The following IL1RAP variants were observed in gnomAD, a reference collection of about 807,000 sequenced individuals.
IL1RAP encodes interleukin 1 receptor accessory protein.
Under a neutral mutation model 60.7 loss-of-function variants are expected in IL1RAP, and 35 were observed. That is an observed-to-expected ratio of 0.58 (90% CI 0.44 to 0.76). The LOEUF (loss-of-function observed/expected upper bound fraction) is 0.76. IL1RAP is among the 30% of genes least tolerant of loss of function. The pLI, the probability that IL1RAP is intolerant of heterozygous loss-of-function variation, is 0.00. For missense variants in IL1RAP, 572 were observed against 693.9 expected (o/e 0.82, Z 1.97); for synonymous variants, 268 against 250.9 (o/e 1.07, Z -0.64).
intron 1 of IL1RAP, among the ~76,000 whole-genome samples, chr3:190,534,357 A>T (rs1196208795): frequency 1.3e-5 from 2 of 151,870 alleles, no homozygotes; most frequent in South Asian, 4.1e-4. Flanking sequence ...AGGAAGTTTC[A>T]TTCCTTGTAG....
intron 1 of IL1RAP, among the ~76,000 whole-genome samples, chr3:190,543,638 G>GA (rs1407761784): frequency 6.6e-6 from 1 of 152,174 alleles, no homozygotes; most frequent in Non-Finnish European, 1.5e-5. Flanking sequence ...TACACTTGGA[G>GA]AGGGTAATGA....
intron 6 of IL1RAP, 104 bp from the exon 7 acceptor site, chr3:190,623,240 G>T: frequency 1.2e-6 from 1 of 838,334 alleles, no homozygotes; most frequent in South Asian, 1.4e-5. Flanking sequence ...TAAAACAACT[G>T]ACAAACTATG....
downstream of IL1RAP, chr3:190,656,237 T>A: frequency 6.5e-7 from 1 of 1,537,224 alleles, no homozygotes; most frequent in Middle Eastern, 1.7e-4. Context: ...CAGTCTGACA[T>A]CAGTCTGGAT....
rs146080159 is a variant in IL1RAP, at chr3:190,581,369, A to T, written c.64+17016A>T. ...CTGTAACCAGTAAAAGCAAATCAGG[A>T]AGCAGAAGCTCAGTCAAATGAGCCT... On this transcript the variant is annotated intron_variant, in intron 3 of 11. Coordinates refer to ENST00000447382, the MANE Select transcript of IL1RAP (RefSeq NM_002182.4). Among the ~76,000 whole-genome samples the T allele has an allele frequency of 2.0e-5, 3 of 152,308 alleles. No individual in the cohort carries two copies. The East Asian group carries it at 5.8e-4, about 29-fold the overall frequency.
At position 190,573,370 on chromosome 3, in the gene IL1RAP, GT is replaced by G. The variant is rs1727168982; in HGVS notation, c.64+9018del. Among the ~76,000 whole-genome samples, 3 of 152,192 alleles carry G rather than the reference GT, an allele frequency of 2.0e-5. No homozygotes were observed. The South Asian group carries it at 6.2e-4, about 32-fold the overall frequency. On this transcript the variant is annotated intron_variant, in intron 3 of 11. Coordinates refer to ENST00000447382, the MANE Select transcript of IL1RAP (RefSeq NM_002182.4). ...CTGTGAAATGTTTTTGCTAGTAGCAGTGTATTTCTTGAGGCACAGTAGAAAC... is the reference window on the plus strand; with the variant it reads ...CTGTGAAATGTTTTTGCTAGTAGCAGGTATTTCTTGAGGCACAGTAGAAAC...
rs73060147 is a variant in IL1RAP at position 190,578,322 on chromosome 3, C to T, written c.64+13969C>T. On this transcript the variant is annotated intron_variant, in intron 3 of 11. Coordinates refer to ENST00000447382, the MANE Select transcript of IL1RAP (RefSeq NM_002182.4). ...TATAGATCTGAGCTGTTGTATTCCTCGGGATGGCAAGCAAGAGGCAATTGT... is the reference window on the plus strand; with the variant it reads ...TATAGATCTGAGCTGTTGTATTCCTTGGGATGGCAAGCAAGAGGCAATTGT... Among the ~76,000 whole-genome samples the T allele has an allele frequency of 1.5e-3, 230 of 152,198 alleles. 3 individuals are homozygous for T. The highest frequency in any genetic ancestry group is 5.3e-3 in the African/African-American group (220 of 41,524).
intron 9 of IL1RAP, 160 bp downstream of exon 9, chr3:190,629,658 T>C: frequency 7.2e-7 from 1 of 1,391,206 alleles, no homozygotes; most frequent in Non-Finnish European, 9.4e-7. Context: ...ATGAAAGTTT[T>C]CATCTATGTA....
At chr3:190,634,732 T>TTTC in intron 9 of IL1RAP, among the ~76,000 whole-genome samples, 1 of 148,464 alleles carries the variant, frequency 6.7e-6, no homozygotes, top group Admixed American at 6.7e-5. Context: ...GTTGTTTTTT[T>TTTC]TGAGAAGGAG....
intron 1 of IL1RAP, among the ~76,000 whole-genome samples, chr3:190,521,316 A>C (rs1012224228): frequency 6.6e-6 from 1 of 151,734 alleles, no homozygotes; most frequent in African/African-American, 2.4e-5. Flanking sequence ...TTTTTGCAAT[A>C]ATTCTGAGGT....
intron 1 of IL1RAP, among the ~76,000 whole-genome samples, chr3:190,554,452 T>C (rs1725221692): frequency 6.6e-6 from 1 of 152,158 alleles, no homozygotes; most frequent in African/African-American, 2.4e-5. Flanking sequence ...CCGGAGGTTC[T>C]CCTGGGGACC....
Position 190,604,058 on chromosome 3 carries a change from G to A in IL1RAP, c.65-70G>A, listed in dbSNP as rs556818751. 15 of 1,447,378 alleles carry A rather than the reference G, an allele frequency of 1.0e-5. No individual in the cohort carries two copies. In the African/African-American group the frequency reaches 2.1e-4, roughly 20 times the overall value. 89.7% of individuals were successfully genotyped at this position (1,447,378 alleles called of 1,614,324 possible). A position where few individuals can be genotyped will look rare whatever the true frequency, so the allele number is the denominator to read the frequency against. The stretch of plus-strand genomic sequence containing the variant: ...AAAGACCGGGTGAACTGAGGAGAAG[G>A]TGTGTTCTTTTGAGGCCTTTGTTGT... On this transcript the variant is annotated intron_variant, in intron 3 of 11. Coordinates refer to ENST00000447382, the MANE Select transcript of IL1RAP (RefSeq NM_002182.4).
At chr3:190,641,122 C>T (rs1257230107) in intron 9 of IL1RAP, among the ~76,000 whole-genome samples, 2 of 152,140 alleles carry the variant, frequency 1.3e-5, no homozygotes, top group Non-Finnish European at 2.9e-5. Context: ...TGCGCCACCA[C>T]ACCCGGCTAA....
intron 3 of IL1RAP, among the ~76,000 whole-genome samples, chr3:190,600,477 G>C (rs1228124245): frequency 1.3e-5 from 2 of 152,152 alleles, no homozygotes; most frequent in African/African-American, 4.8e-5. Context: ...ATAGATTATT[G>C]ATATTGGTAA....
chr3:190,634,990 C>T (rs866218980), intron 9 of IL1RAP, among the ~76,000 whole-genome samples: 4 of 152,162 alleles, frequency 2.6e-5, no homozygotes, highest in Non-Finnish European at 4.4e-5. Context: ...GCTGGGATTA[C>T]AGGCGTGAGC....
At chr3:190,538,761 G>T (rs981463577) in intron 1 of IL1RAP, among the ~76,000 whole-genome samples, 1 of 152,030 alleles carries the variant, frequency 6.6e-6, no homozygotes, top group Admixed American at 6.6e-5. Context: ...GGACCCAGTG[G>T]CAGGTAATTG....
chr3:190,576,738 G>A (rs1261877998), intron 3 of IL1RAP, among the ~76,000 whole-genome samples: 1 of 152,154 alleles, frequency 6.6e-6, no homozygotes, highest in Non-Finnish European at 1.5e-5. Context: ...CTTTAATCTT[G>A]TAATGAACCA....
intron 2 of IL1RAP, among the ~76,000 whole-genome samples, chr3:190,556,655 A>G (rs1472690540): frequency 1.3e-5 from 2 of 152,206 alleles, no homozygotes; most frequent in Non-Finnish European, 2.9e-5. Flanking sequence ...AAATATTTTG[A>G]CAATAGAGCA....
rs73062270 is a variant in IL1RAP, at chr3:190,638,574, C to T, written c.1052-5674C>T. On this transcript the variant is annotated intron_variant, in intron 9 of 11. Transcript: ENST00000447382. ...TCTGTTGCATGACAATTTGTTTTTT[C>T]GTGAAGTGTTTTAATGAGCAGAGGT... is the stretch of plus-strand genomic sequence containing the variant. Among the ~76,000 whole-genome samples the T allele has an allele frequency of 7.9e-3, 1,201 of 152,136 alleles. 14 individuals are homozygous for T. Among genetic ancestry groups the T allele is most frequent in the African/African-American group, 0.028 (1,146 of 41,518 alleles).
intron 1 of IL1RAP, among the ~76,000 whole-genome samples, chr3:190,554,039 C>A (rs368852510): frequency 0.019 from 2,398 of 123,652 alleles, 79 homozygotes; most frequent in African/African-American, 0.076. Flanking sequence ...CCAGCCTGGG[C>A]GACAGAGCGA....
Sources: allele counts gnomAD v4.1 joint callset (sites outside exome capture counted in the v4.1 genomes callset), GRCh38; gene constraint gnomAD v4.1.1; transcripts MANE v1.5; gene names NCBI Gene and HGNC (gene_info 2026-07-23, HGNC 2026-07-21).